PCDHGA5: variants seen among roughly 807,000 people sequenced by gnomAD.
The protein encoded by PCDHGA5 is protocadherin gamma-A5.
In PCDHGA5, 36 loss-of-function variants were observed where a neutral mutation model predicts 56.7. That is an observed-to-expected ratio of 0.64 (90% CI 0.49 to 0.84). The LOEUF is 0.84. Ranked by LOEUF, PCDHGA5 falls within the 40% of genes least tolerant of loss-of-function variation. The probability of loss-of-function intolerance (pLI) is 0.00; values close to 1 mark genes in which losing one functional copy is unlikely to be tolerated. For missense variants in PCDHGA5, 1,305 were observed against 1,201.5 expected (o/e 1.09, Z -1.27); for synonymous variants, 563 against 520.2 (o/e 1.08, Z -1.12).
intron 1 of PCDHGA5, chr5:141,384,502 C>A: frequency 6.2e-7 from 1 of 1,614,194 alleles, no homozygotes; most frequent in Non-Finnish European, 8.5e-7. Context: ...AGTGACTGCA[C>A]ATGACAGCGG....
At chr5:141,393,154 G>GA in intron 1 of PCDHGA5, 1 of 1,613,294 alleles carries the variant, frequency 6.2e-7, no homozygotes, top group Non-Finnish European at 8.5e-7. Flanking sequence ...GAGGATAAAG[G>GA]AAAACTCTTT....
At chr5:141,384,573 C>A in intron 1 of PCDHGA5, 1 of 1,614,250 alleles carries the variant, frequency 6.2e-7, no homozygotes, top group Non-Finnish European at 8.5e-7. Context: ...AGAATGACAA[C>A]CCGCCCGAGA....
intron 1 of PCDHGA5, chr5:141,414,866 C>T: frequency 6.2e-7 from 1 of 1,614,230 alleles, no homozygotes; most frequent in Non-Finnish European, 8.5e-7. Flanking sequence ...GACAATGCGC[C>T]CGAGATCCTG....
intron 1 of PCDHGA5, among the ~76,000 whole-genome samples, chr5:141,444,982 A>G (rs10066383): frequency 7.1e-4 from 108 of 152,272 alleles, no homozygotes; most frequent in African/African-American, 2.5e-3. Flanking sequence ...ATCCATGAAC[A>G]TGGTATATAT....
chr5:141,486,153 C>A lies in PCDHGA5; in HGVS notation c.2422-8654C>A, dbSNP rs1330257915. On this transcript the variant is annotated intron_variant, in intron 1 of 3. Coordinates refer to ENST00000518069, the MANE Select transcript of PCDHGA5 (RefSeq NM_018918.3). This position sits in a 1 kb window ranked among gnomAD's most constrained non-coding sequence, Gnocchi z 5.0. ...GATGTGCGGGCTCGCGATGGGGGTTCTCCAGCCATGGAGCAACATTGCAGC... is the reference window on the plus strand; with the variant it reads ...GATGTGCGGGCTCGCGATGGGGGTTATCCAGCCATGGAGCAACATTGCAGC... 6.2e-7 allele frequency: 1 copy of A among 1,614,202 alleles called. No individual in the cohort carries two copies. The highest frequency in any genetic ancestry group is 1.7e-5 in the Admixed American group (1 of 60,022).
chr5:141,422,310 T>A, intron 1 of PCDHGA5: 1 of 1,546,532 alleles, frequency 6.5e-7, no homozygotes, highest in Non-Finnish European at 8.7e-7. Flanking sequence ...TGGAAAACTC[T>A]CCTCCAGGTA....
chr5:141,481,434 A>C (rs1374254063), intron 1 of PCDHGA5, among the ~76,000 whole-genome samples: 1 of 152,256 alleles, frequency 6.6e-6, no homozygotes, highest in East Asian at 1.9e-4. Context: ...TGATTGTATC[A>C]GTTTAGTACA....
chr5:141,423,874 A>G (rs1264795133), intron 1 of PCDHGA5: 2 of 1,283,268 alleles, frequency 1.6e-6, no homozygotes, highest in East Asian at 3.1e-5. Context: ...GTCATTTTTC[A>G]ATCTTGGCAT....
chr5:141,405,677 C>T (rs1204978047), intron 1 of PCDHGA5, among the ~76,000 whole-genome samples: 3 of 152,088 alleles, frequency 2.0e-5, no homozygotes, highest in African/African-American at 7.2e-5. Context: ...GGGGTGTCAC[C>T]ATGTTGGCCA....
intron 1 of PCDHGA5, among the ~76,000 whole-genome samples, chr5:141,406,795 C>G (rs1277584347): frequency 6.6e-6 from 1 of 152,204 alleles, no homozygotes; most frequent in African/African-American, 2.4e-5. Context: ...TTATTTCTGG[C>G]TCAATTCTCC....
intron 2 of PCDHGA5, among the ~76,000 whole-genome samples, chr5:141,498,882 G>A (rs1287566657): frequency 6.8e-6 from 1 of 147,420 alleles, no homozygotes; most frequent in African/African-American, 2.5e-5. Context: ...GCAGTGAGCT[G>A]AGATCACACC....
At chr5:141,380,313 G>A (rs535275197) in intron 1 of PCDHGA5, among the ~76,000 whole-genome samples, 53 of 152,244 alleles carry the variant, frequency 3.5e-4, no homozygotes, top group Non-Finnish European at 5.4e-4. Flanking sequence ...GCTTGAGAAT[G>A]AAAATCTAAA....
In PCDHGA5 at chr5:141,372,299, G is replaced by T. The variant is rs35459734; in HGVS notation, c.2421+5548G>T. The stretch of plus-strand genomic sequence containing the variant: ...GCACGGCGCGTACCTTGGGCGACAG[G>T]GAGGCCGCCCGCCAGCGCCTGCTGG... On this transcript the variant is annotated intron_variant, in intron 1 of 3. Coordinates refer to ENST00000518069, the MANE Select transcript of PCDHGA5 (RefSeq NM_018918.3). The T allele has an allele frequency of 1.9e-3, 2,997 of 1,613,318 alleles. 22 individuals are homozygous for T. Among genetic ancestry groups the T allele is most frequent in the African/African-American group, 0.017 (1,313 of 75,058 alleles).
At chr5:141,427,007 C>T (rs1215109574) in intron 1 of PCDHGA5, 2 of 456,668 alleles carry the variant, frequency 4.4e-6, no homozygotes, top group Admixed American at 2.3e-5. Flanking sequence ...CAGTTTTTAG[C>T]CAGGATGTAT....
chr5:141,394,558 C>T (rs2093032633), intron 1 of PCDHGA5: 4 of 1,614,108 alleles, frequency 2.5e-6, no homozygotes, highest in Non-Finnish European at 3.4e-6. Flanking sequence ...CCCCGCTCCG[C>T]AGAGCGTGGC....
At chr5:141,457,736 T>G (rs1265562501) in intron 1 of PCDHGA5, among the ~76,000 whole-genome samples, 1 of 152,254 alleles carries the variant, frequency 6.6e-6, no homozygotes, top group African/African-American at 2.4e-5. Flanking sequence ...AGATTAGACT[T>G]TTAAAGCTGA....
intron 1 of PCDHGA5, among the ~76,000 whole-genome samples, chr5:141,462,550 A>G (rs1485478117): frequency 6.6e-6 from 1 of 151,942 alleles, no homozygotes; most frequent in East Asian, 1.9e-4. Flanking sequence ...TTTCTTCTTC[A>G]GTGTTTACTG....
intron 1 of PCDHGA5, chr5:141,398,860 G>C: frequency 6.2e-7 from 1 of 1,614,010 alleles, no homozygotes; most frequent in South Asian, 1.1e-5. Flanking sequence ...ATTCAACCGA[G>C]ACGTGTACAG....
At chr5:141,381,986 C>A (rs1360595056) in intron 1 of PCDHGA5, among the ~76,000 whole-genome samples, 1 of 151,810 alleles carries the variant, frequency 6.6e-6, no homozygotes, top group East Asian at 1.9e-4. Flanking sequence ...CGCGCCACCA[C>A]GCCCGGATAA....
Sources: allele counts gnomAD v4.1 joint callset (sites outside exome capture counted in the v4.1 genomes callset), GRCh38; gene constraint gnomAD v4.1.1; non-coding constraint Gnocchi (gnomAD v3.1); transcripts MANE v1.5; gene names NCBI Gene and HGNC (gene_info 2026-07-23, HGNC 2026-07-21).